The following UBAC2 variants were observed in gnomAD, a reference collection of about 807,000 sequenced individuals.
UBAC2 encodes ubiquitin-associated domain-containing protein 2.
UBAC2 carries 26 observed loss-of-function variants against 44.0 expected under a neutral mutation model. The ratio of observed to expected loss-of-function variants is 0.59; its 90% CI spans 0.43 to 0.82. The LOEUF (loss-of-function observed/expected upper bound fraction) is 0.82, where lower values mean the gene tolerates loss of function less well. Ranked by LOEUF, UBAC2 falls within the 40% of genes least tolerant of loss-of-function variation. The pLI is 0.00. For missense variants in UBAC2, 329 were observed against 419.4 expected, an observed-to-expected ratio of 0.78 and a Z score of 1.88; for synonymous variants, 155 against 154.3, an observed-to-expected ratio of 1.00 and a Z score of -0.04.
At chr13:99,202,579 C>T (rs1476104808) in intron 1 of UBAC2, among the ~76,000 whole-genome samples, 1 of 152,142 alleles carries the variant, frequency 6.6e-6, no homozygotes, top group African/African-American at 2.4e-5. Flanking sequence ...ATTATATTGG[C>T]CAAGTGTATT....
intron 4 of UBAC2, among the ~76,000 whole-genome samples, chr13:99,300,489 C>T (rs372843504): frequency 6.6e-6 from 1 of 152,166 alleles, no homozygotes; most frequent in East Asian, 1.9e-4. Flanking sequence ...CTTTCATATG[C>T]GTGACTGTTA....
At chr13:99,341,356 A>G (rs2044883455) in intron 7 of UBAC2, among the ~76,000 whole-genome samples, 2 of 150,486 alleles carry the variant, frequency 1.3e-5, no homozygotes, top group Non-Finnish European at 2.9e-5. Context: ...GGTTTGGAGA[A>G]GTGAAATCAG....
chr13:99,316,418 G>GATGAATGA (rs764363585), intron 5 of UBAC2, among the ~76,000 whole-genome samples: 7 of 148,412 alleles, frequency 4.7e-5, no homozygotes, highest in East Asian at 1.9e-4. Context: ...TGAATGAATG[G>GATGAATGA]ATGAATGAAT....
intron 4 of UBAC2, among the ~76,000 whole-genome samples, chr13:99,299,824 G>T (rs1008990689): frequency 6.6e-6 from 1 of 152,102 alleles, no homozygotes; most frequent in Non-Finnish European, 1.5e-5. Context: ...CTACTTCGCA[G>T]GTGATAAAAC....
At chr13:99,365,327 TTTC>T (rs1451049693) in intron 7 of UBAC2, among the ~76,000 whole-genome samples, 1 of 152,162 alleles carries the variant, frequency 6.6e-6, no homozygotes, top group African/African-American at 2.4e-5. Flanking sequence ...AACTTTCTAC[TTTC>T]TTCTTTCTCA....
intron 8 of UBAC2, among the ~76,000 whole-genome samples, chr13:99,384,392 T>C (rs895434825): frequency 1.3e-5 from 2 of 152,244 alleles, no homozygotes; most frequent in Non-Finnish European, 2.9e-5. Context: ...ATATTCTTAA[T>C]TGGGAAAAAA....
At chr13:99,214,726 A>T (rs767720662) in intron 1 of UBAC2, among the ~76,000 whole-genome samples, 7 of 151,948 alleles carry the variant, frequency 4.6e-5, no homozygotes, top group Non-Finnish European at 8.8e-5. Context: ...CCTTAAGCAG[A>T]TTGTCCCCCA....
At chr13:99,283,713 C>CTTTTT (rs71118470) in intron 4 of UBAC2, among the ~76,000 whole-genome samples, 1 of 62,598 alleles carries the variant, frequency 1.6e-5, no homozygotes, top group African/African-American at 6.0e-5. Flanking sequence ...TTAATGCCAC[C>CTTTTT]TTTTTTTTTT....
At chr13:99,317,530 C>A (rs2044509099) in intron 5 of UBAC2, among the ~76,000 whole-genome samples, 1 of 152,126 alleles carries the variant, frequency 6.6e-6, no homozygotes. Context: ...AGAAAGTTAC[C>A]ATTGGACATA....
At chr13:99,339,438 G>GGGCTTT (rs1281810214) in intron 6 of UBAC2, among the ~76,000 whole-genome samples, 1 of 152,154 alleles carries the variant, frequency 6.6e-6, no homozygotes, top group African/African-American at 2.4e-5. Flanking sequence ...TGTGAGAGTG[G>GGGCTTT]GGCCTTGCTT....
chr13:99,227,215 C>A (rs894449818), intron 1 of UBAC2, among the ~76,000 whole-genome samples: 95 of 151,020 alleles, frequency 6.3e-4, no homozygotes, highest in Admixed American at 1.2e-3. Flanking sequence ...AAAAAAACAA[C>A]AAAAAAAGAC....
Position 99,215,529 on chromosome 13 carries a change from A to C in UBAC2, c.31+14590A>C, listed in dbSNP as rs1219307320. The C allele has an allele frequency of 5.4e-6, 8 of 1,468,520 alleles. No individual in the cohort carries two copies. The Admixed American group carries it at 1.3e-4, about 25-fold the overall frequency. The allele number at this position is 1,468,520 out of a possible 1,614,324, so 91.0% of individuals were successfully genotyped here. A position where few individuals can be genotyped will look rare whatever the true frequency, so the allele number is the denominator to read the frequency against. On this transcript the variant is annotated intron_variant, in intron 1 of 8. Coordinates refer to ENST00000403766, the MANE Select transcript of UBAC2 (RefSeq NM_001144072.2). Reference sequence around the variant, plus strand: ...GAGGGGTAATATACACTTTACCTTTAAGTCTTTTGATGCATTTCCTGCCAG... The same window carrying C: ...GAGGGGTAATATACACTTTACCTTTCAGTCTTTTGATGCATTTCCTGCCAG...
intron 4 of UBAC2, among the ~76,000 whole-genome samples, chr13:99,282,178 C>T (rs943211537): frequency 6.6e-6 from 1 of 152,036 alleles, no homozygotes; most frequent in African/African-American, 2.4e-5. Context: ...CAGTCTTACC[C>T]CAGTCATGAC....
At chr13:99,379,433 TA>T (rs1470179101) in intron 8 of UBAC2, among the ~76,000 whole-genome samples, 1 of 152,260 alleles carries the variant, frequency 6.6e-6, no homozygotes, top group African/African-American at 2.4e-5. Flanking sequence ...GTCACCACAT[TA>T]AAAAATTTGG....
At chr13:99,265,335 G>A (rs1372675998) in intron 4 of UBAC2, among the ~76,000 whole-genome samples, 1 of 152,210 alleles carries the variant, frequency 6.6e-6, no homozygotes, top group Non-Finnish European at 1.5e-5. Context: ...AGAAGGGAAG[G>A]AAGGAGGCAG....
In UBAC2 at chr13:99,353,856, C is replaced by A. The variant is rs538923869; in HGVS notation, c.807+13291C>A. 2.6e-5 allele frequency among the ~76,000 whole-genome samples: 4 copies of A among 152,238 alleles called. No homozygotes were observed. The East Asian group carries it at 7.7e-4, about 29-fold the overall frequency. On this transcript the variant is annotated intron_variant, in intron 7 of 8. Coordinates refer to ENST00000403766, the MANE Select transcript of UBAC2 (RefSeq NM_001144072.2). ...CTCGAGAAGCCTTGATTTCGTGCAACCCCCAAGGTTTCAGAGCCAGCAGCC... is the reference window on the plus strand; with the variant it reads ...CTCGAGAAGCCTTGATTTCGTGCAAACCCCAAGGTTTCAGAGCCAGCAGCC...
At chr13:99,247,668 C>T (rs1456978394) in intron 4 of UBAC2, among the ~76,000 whole-genome samples, 3 of 152,242 alleles carry the variant, frequency 2.0e-5, no homozygotes, top group Admixed American at 6.5e-5. Flanking sequence ...TGGGTCGATA[C>T]GTGCAGCAAA....
intron 1 of UBAC2, 55 bp from the exon 2 acceptor site, chr13:99,238,372 G>T: frequency 1.3e-6 from 2 of 1,572,278 alleles, no homozygotes; most frequent in Non-Finnish European, 1.7e-6. Context: ...CACGCATGTG[G>T]TTTTTTAAAT....
intron 4 of UBAC2, among the ~76,000 whole-genome samples, chr13:99,271,644 T>TA (rs1480108094): frequency 1.3e-5 from 2 of 152,198 alleles, no homozygotes; most frequent in Admixed American, 6.5e-5. Flanking sequence ...TATACATACT[T>TA]AGAGTTTTTA....
Sources: gnomAD v4.1 joint callset for allele counts (sites outside exome capture counted in the v4.1 genomes callset) on GRCh38, gnomAD v4.1.1 for gene constraint, MANE v1.5 for transcripts, NCBI Gene and HGNC (gene_info 2026-07-23, HGNC 2026-07-21) for gene names.